CLVS1: variants seen among roughly 807,000 people sequenced by gnomAD.
The protein encoded by CLVS1 is clavesin 1.
A neutral mutation model predicts 33.1 loss-of-function variants in CLVS1; 10 were observed. The observed-to-expected ratio is 0.30, with a 90% CI of 0.19 to 0.51. CLVS1 has a LOEUF of 0.51. Ranked by LOEUF, CLVS1 falls within the 20% of genes least tolerant of loss-of-function variation. CLVS1 has a pLI of 0.97. For synonymous variants in CLVS1, 163 were observed against 166.1 expected (o/e 0.98, Z 0.14); for missense variants, 343 against 433.4 (o/e 0.79, Z 1.85).
At chr8:61,214,625 T>G (rs962950497) in intron 2 of CLVS1, among the ~76,000 whole-genome samples, 6 of 152,136 alleles carry the variant, frequency 3.9e-5, no homozygotes, top group Non-Finnish European at 8.8e-5. Context: ...ACATCTTACC[T>G]CCAGAACTGT....
intron 2 of CLVS1, among the ~76,000 whole-genome samples, chr8:61,206,590 CTT>C (rs10535294): frequency 0.014 from 1,999 of 139,006 alleles, 23 homozygotes; most frequent in South Asian, 0.026. Flanking sequence ...TTTTTTCTTT[CTT>C]TTTTTTTTTT....
At chr8:61,485,672 A>G (rs1232704015) in intron 5 of CLVS1, among the ~76,000 whole-genome samples, 1 of 152,266 alleles carries the variant, frequency 6.6e-6, no homozygotes, top group Non-Finnish European at 1.5e-5. Flanking sequence ...ACTATTCACA[A>G]TAGCAAAGAC....
chr8:61,342,052 C>T (rs535191594), intron 2 of CLVS1, among the ~76,000 whole-genome samples: 2 of 152,284 alleles, frequency 1.3e-5, no homozygotes, highest in South Asian at 4.1e-4. Context: ...GAAGGGTGTT[C>T]ACAAGGAAAA....
At chr8:61,366,402 AAT>A (rs2129600594) in intron 2 of CLVS1, among the ~76,000 whole-genome samples, 1 of 152,344 alleles carries the variant, frequency 6.6e-6, no homozygotes, top group Non-Finnish European at 1.5e-5. Flanking sequence ...ACCTTATGTG[AAT>A]GCAGGCATGG....
chr8:61,145,540 G>C (rs937189045), intron 2 of CLVS1, among the ~76,000 whole-genome samples: 1 of 152,224 alleles, frequency 6.6e-6, no homozygotes, highest in Non-Finnish European at 1.5e-5. Context: ...GCCAGGCCAG[G>C]TCCTTGGGGG....
intron 3 of CLVS1, among the ~76,000 whole-genome samples, chr8:61,450,550 A>C (rs1816914914): frequency 6.6e-6 from 1 of 152,204 alleles, no homozygotes; most frequent in African/African-American, 2.4e-5. Context: ...GTCATGTAGT[A>C]GATACTCATA....
At chr8:61,029,631 G>T in the CLVS1 span, among the ~76,000 whole-genome samples, 4 of 151,698 alleles carry the variant, frequency 2.6e-5, no homozygotes, top group African/African-American at 7.3e-5. Context: ...TTAAGTTATG[G>T]GGTACATGTG....
rs1809829746 is a variant in CLVS1 at position 61,287,970 on chromosome 8, G to A, written c.-320G>A. 1.0e-5 allele frequency: 4 copies of A among 387,690 alleles called. No individual in the cohort carries two copies. The highest frequency in any genetic ancestry group is 7.4e-4 in the Middle Eastern group (1 of 1,350). 24.0% of individuals were successfully genotyped at this position (387,690 alleles called of 1,614,324 possible). A position where few individuals can be genotyped will look rare whatever the true frequency, so the allele number is the denominator to read the frequency against. On this transcript the variant is annotated 5_prime_UTR_variant, in exon 1 of 6. Transcript: ENST00000325897. ...GAAGGACAGAGAATCGGGCGCACACGCCTCCTACCAAAATCACAGCCCCTT... is the reference window on the plus strand; with the variant it reads ...GAAGGACAGAGAATCGGGCGCACACACCTCCTACCAAAATCACAGCCCCTT...
chr8:61,492,041 TGACA>T (rs1804106662), intron 5 of CLVS1, among the ~76,000 whole-genome samples: 1 of 152,204 alleles, frequency 6.6e-6, no homozygotes, highest in Non-Finnish European at 1.5e-5. Flanking sequence ...GTGCTAGTGA[TGACA>T]GACACTGATG....
At chr8:61,031,872 G>A in the CLVS1 span, among the ~76,000 whole-genome samples, 4 of 152,182 alleles carry the variant, frequency 2.6e-5, no homozygotes, top group Admixed American at 1.3e-4. Context: ...AAAATGGGGC[G>A]GGGTGGGGGA....
chr8:60,979,044 T>TTGAGCTTG, the CLVS1 span, among the ~76,000 whole-genome samples: 1 of 152,260 alleles, frequency 6.6e-6, no homozygotes, highest in East Asian at 1.9e-4. Context: ...AGGTAGCACA[T>TTGAGCTTG]TGAGCTAGTT....
intron 5 of CLVS1, among the ~76,000 whole-genome samples, chr8:61,474,882 G>T (rs867491216): frequency 3.0e-4 from 45 of 152,162 alleles, no homozygotes; most frequent in African/African-American, 9.4e-4. Context: ...TGCCATGTTG[G>T]TGTGCTGCAC....
intron 2 of CLVS1, among the ~76,000 whole-genome samples, chr8:61,205,472 A>G (rs189988173): frequency 9.2e-5 from 14 of 152,318 alleles, no homozygotes; most frequent in Non-Finnish European, 1.9e-4. Flanking sequence ...TCCTTTGTAC[A>G]TGTATGCTAC....
intron 2 of CLVS1, among the ~76,000 whole-genome samples, chr8:61,146,151 C>A (rs1806410098): frequency 6.6e-6 from 1 of 152,124 alleles, no homozygotes; most frequent in African/African-American, 2.4e-5. Context: ...ACTTTTCTTG[C>A]AGCATGTGGC....
At chr8:61,039,760 G>T in the CLVS1 span, among the ~76,000 whole-genome samples, 1 of 152,066 alleles carries the variant, frequency 6.6e-6, no homozygotes, top group Non-Finnish European at 1.5e-5. Context: ...GGCTGATTTT[G>T]AATTCCTGGG....
intron 2 of CLVS1, among the ~76,000 whole-genome samples, chr8:61,349,588 T>G (rs1055361581): frequency 6.6e-6 from 1 of 152,044 alleles, no homozygotes; most frequent in Non-Finnish European, 1.5e-5. Context: ...TTTGTTTTTG[T>G]TTTTTAGGTT....
At chr8:61,297,702 G>A (rs950188949) in intron 1 of CLVS1, among the ~76,000 whole-genome samples, 2 of 152,120 alleles carry the variant, frequency 1.3e-5, no homozygotes, top group Non-Finnish European at 2.9e-5. Flanking sequence ...GCAGATCATG[G>A]GGGCAGGATC....
chr8:61,414,813 TTGGACAGA>T (rs1815367739), intron 3 of CLVS1, among the ~76,000 whole-genome samples: 1 of 152,238 alleles, frequency 6.6e-6, no homozygotes, highest in African/African-American at 2.4e-5. Flanking sequence ...CCAGGCCTGC[TTGGACAGA>T]TGAGATGTCA....
intron 2 of CLVS1, among the ~76,000 whole-genome samples, chr8:61,234,655 G>C (rs1808517957): frequency 6.6e-6 from 1 of 152,128 alleles, no homozygotes; most frequent in African/African-American, 2.4e-5. Context: ...TTAGGTGTGT[G>C]CATAACTTGC....
Sources: gnomAD v4.1 joint callset for allele counts (sites outside exome capture counted in the v4.1 genomes callset) on GRCh38, gnomAD v4.1.1 for gene constraint, MANE v1.5 for transcripts, NCBI Gene and HGNC (gene_info 2026-07-23, HGNC 2026-07-21) for gene names.